Variants in RTKN2 observed in about 807,000 individuals in gnomAD.
RTKN2 encodes rhotekin-2.
In RTKN2, 69 loss-of-function variants were observed where a neutral mutation model predicts 71.5. The ratio of observed to expected loss-of-function variants is 0.96; its 90% CI spans 0.79 to 1.18. RTKN2 has a LOEUF of 1.18. Ranked by LOEUF, RTKN2 falls within the 50% of genes most tolerant of loss-of-function variation. The pLI is 0.00. For synonymous variants in RTKN2, 236 were observed against 236.5 expected (o/e 1.00, Z 0.02); for missense variants, 724 against 719.7 (o/e 1.01, Z -0.07).
intron 6 of RTKN2, among the ~76,000 whole-genome samples, chr10:62,227,211 CCT>C (rs1046116274): frequency 6.6e-6 from 1 of 152,012 alleles, no homozygotes; most frequent in South Asian, 2.1e-4. Flanking sequence ...ATCTATTTTT[CCT>C]CTCTTATACA....
At chr10:62,186,618 A>G (rs949683176) in intron 8 of RTKN2, among the ~76,000 whole-genome samples, 6 of 152,222 alleles carry the variant, frequency 3.9e-5, no homozygotes, top group African/African-American at 1.2e-4. Flanking sequence ...CCCGCTCTCA[A>G]GTAGTTCCAC....
At chr10:62,263,083 T>A (rs796290185) in intron 1 of RTKN2, among the ~76,000 whole-genome samples, 3 of 152,332 alleles carry the variant, frequency 2.0e-5, no homozygotes, top group African/African-American at 7.2e-5. Context: ...CTTATAACTA[T>A]ACGAAGTTTA....
chr10:62,268,472 C>G, intron 1 of RTKN2, 79 bp downstream of exon 1: 1 of 1,342,828 alleles, frequency 7.4e-7, no homozygotes, highest in South Asian at 1.3e-5. Context: ...GCTTTCCCGA[C>G]TCCTCCACAA....
At chr10:62,241,040 G>A in intron 4 of RTKN2, 102 bp downstream of exon 4, 1 of 633,554 alleles carries the variant, frequency 1.6e-6, no homozygotes, top group South Asian at 2.0e-5. Flanking sequence ...TCTTTCAAAT[G>A]ACATCAATTT....
At chr10:62,223,156 C>T (rs1264073342) in intron 7 of RTKN2, 82 bp downstream of exon 7, 16 of 718,872 alleles carry the variant, frequency 2.2e-5, no homozygotes, top group South Asian at 1.7e-4. Context: ...TTATTTAAGC[C>T]GATATCCACT....
intron 7 of RTKN2, among the ~76,000 whole-genome samples, chr10:62,222,909 A>G (rs4147233): frequency 0.76 from 115,510 of 152,146 alleles, 43,951 homozygotes; most frequent in East Asian, 0.9. Flanking sequence ...CTAACAGAAA[A>G]GCTGGCTTCC....
chr10:62,242,185 T>C (rs2133018786), intron 3 of RTKN2, among the ~76,000 whole-genome samples: 1 of 152,174 alleles, frequency 6.6e-6, no homozygotes, highest in East Asian at 1.9e-4. Context: ...CTTTATAATA[T>C]ACTTACTAAT....
At chr10:62,215,120 A>G (rs776820675) in intron 9 of RTKN2, 1 of 1,297,082 alleles carries the variant, frequency 7.7e-7, no homozygotes, top group South Asian at 1.4e-5. Context: ...TTTAGATTAC[A>G]TTTTATTTTA....
At chr10:62,214,836 G>C (rs1232652265) in intron 9 of RTKN2, among the ~76,000 whole-genome samples, 1 of 152,058 alleles carries the variant, frequency 6.6e-6, no homozygotes, top group Admixed American at 6.6e-5. Flanking sequence ...TGGTCTAGCA[G>C]TACGCCTATG....
At position 62,217,109 on chromosome 10, in the gene RTKN2, T is replaced by C; in HGVS notation, c.1020+9A>G. 2 of 1,548,686 alleles carry C rather than the reference T, an allele frequency of 1.3e-6. No homozygotes were observed. Among genetic ancestry groups the C allele is most frequent in the South Asian group, 1.3e-5 (1 of 77,184 alleles). ...GTATATTTTTTTCTCAAAATAGCAT[T>C]TCCTTTACCTTGTTAATGGGTACTA... On this transcript the variant is annotated intron_variant, in intron 9 of 11. Coordinates refer to ENST00000373789, the MANE Select transcript of RTKN2 (RefSeq NM_145307.4).
At chr10:62,260,534 A>ATG (rs3080116) in intron 2 of RTKN2, among the ~76,000 whole-genome samples, 10,304 of 150,962 alleles carry the variant, frequency 0.068, 368 homozygotes, top group African/African-American at 0.11. Context: ...GAACAAATAT[A>ATG]TGTGTGTGTG....
chr10:62,254,219 G>A (rs1413279673), intron 2 of RTKN2, among the ~76,000 whole-genome samples: 1 of 152,192 alleles, frequency 6.6e-6, no homozygotes, highest in Non-Finnish European at 1.5e-5. Context: ...GACCTGGTGG[G>A]AGGTGATTGA....
chr10:62,217,177 A>C lies in RTKN2; in HGVS notation c.961T>G (p.Tyr321Asp), dbSNP rs781707452. The part of the protein sequence containing the change: ...VLRGGKLYCF[Y>D]SPEEIEAKVE... The stretch of plus-strand genomic sequence containing the variant: ...TTAGCTTCAATTTCCTCTGGACTGT[A>C]AAAACAATAGAGTTTACCTCCTCGC... Residue 321 changes from tyrosine to aspartate, a missense_variant, in exon 9 of 12, where the codon TAC (tyrosine) becomes GAC (aspartate). Tyr to Asp is a radical substitution (Grantham distance 160, BLOSUM62 -3). Coordinates refer to ENST00000373789, the MANE Select transcript of RTKN2 (RefSeq NM_145307.4). The C allele has an allele frequency of 6.2e-7, 1 of 1,606,670 alleles. No individual in the cohort carries two copies. The highest frequency in any genetic ancestry group is 2.2e-5 in the East Asian group (1 of 44,632).
intron 10 of RTKN2, 144 bp downstream of exon 10, chr10:62,204,713 C>T (rs1365558898): frequency 4.0e-6 from 2 of 506,156 alleles, no homozygotes; most frequent in Admixed American, 4.2e-5. Context: ...AAAGAAGCAT[C>T]AGTGCATTGA....
intron 6 of RTKN2, among the ~76,000 whole-genome samples, chr10:62,229,877 T>A (rs552388223): frequency 1.3e-5 from 2 of 152,142 alleles, no homozygotes; most frequent in Admixed American, 1.3e-4. Context: ...GAATGACACA[T>A]AACAATATGA....
At position 62,196,358 on chromosome 10, in the gene RTKN2, ACT is replaced by A. The variant is rs1841331457; in HGVS notation, c.*1548_*1549del. The A allele has an allele frequency of 2.0e-6, 2 of 984,024 alleles. No homozygotes were observed. Among genetic ancestry groups the A allele is most frequent in the Non-Finnish European group, 2.4e-6 (2 of 829,012 alleles). 61.0% of individuals were successfully genotyped at this position (984,024 alleles called of 1,614,324 possible). On this transcript the variant is annotated 3_prime_UTR_variant, in exon 12 of 12. Coordinates refer to ENST00000373789, the MANE Select transcript of RTKN2 (RefSeq NM_145307.4). ...ATATAGTACTTTCTTCTCACCAAAAACTCTGTCTGTCCTGATGTTACCAGTCA... is the reference window on the plus strand; with the variant it reads ...ATATAGTACTTTCTTCTCACCAAAAACTGTCTGTCCTGATGTTACCAGTCA...
intron 2 of RTKN2, among the ~76,000 whole-genome samples, chr10:62,255,056 T>C (rs1239122250): frequency 1.3e-5 from 2 of 152,164 alleles, no homozygotes; most frequent in Non-Finnish European, 2.9e-5. Flanking sequence ...GTGGTAGGTA[T>C]ATGGGTATTC....
rs1841402514 is a variant in RTKN2 at position 62,199,817 on chromosome 10, T to C, written c.1231A>G (p.Met411Val). The C allele has an allele frequency of 1.2e-6, 2 of 1,613,554 alleles. No homozygotes were observed. Among genetic ancestry groups the C allele is most frequent in the Admixed American group, 1.7e-5 (1 of 59,978 alleles). Residue 411 changes from methionine to valine, a missense_variant, in exon 11 of 12, where the codon ATG becomes GTG. Coordinates refer to ENST00000373789, the MANE Select transcript of RTKN2 (RefSeq NM_145307.4). ...CCEELMKIEI[M>V]SPRKPPLFLT... The stretch of plus-strand genomic sequence containing the variant: ...AACAAAGGTGGTTTCCGTGGTGACA[T>C]AATCTCAATTTTCATAAGTTCTTCA...
At chr10:62,222,032 C>T (rs775917622) in intron 7 of RTKN2, among the ~76,000 whole-genome samples, 18 of 152,128 alleles carry the variant, frequency 1.2e-4, no homozygotes, top group Admixed American at 2.0e-4. Flanking sequence ...ATAATTAAAT[C>T]AGTCTAAGAG....
Sources: gnomAD v4.1 joint callset for allele counts (sites outside exome capture counted in the v4.1 genomes callset) on GRCh38, gnomAD v4.1.1 for gene constraint, MANE v1.5 for transcripts, NCBI Gene and HGNC (gene_info 2026-07-23, HGNC 2026-07-21) for gene names.